Variants in HDC observed in about 807,000 individuals in gnomAD.
The protein encoded by HDC is histidine decarboxylase.
HDC carries 27 observed loss-of-function variants against 64.4 expected under a neutral mutation model. The ratio of observed to expected loss-of-function variants is 0.42; its 90% confidence interval spans 0.31 to 0.58. The LOEUF (loss-of-function observed/expected upper bound fraction) is 0.58, where lower values mean the gene tolerates loss of function less well. HDC is among the 20% of genes least tolerant of loss of function. The probability of loss-of-function intolerance (pLI) is 0.16; values close to 1 mark genes in which losing one functional copy is unlikely to be tolerated. For synonymous variants in HDC, 305 were observed against 314.2 expected (o/e 0.97, Z 0.31); for missense variants, 711 against 833.9 (o/e 0.85, Z 1.81).
Position 50,254,589 on chromosome 15 carries a change from C to T in HDC, c.517G>A (p.Glu173Lys). 2 of 1,614,240 alleles carry T rather than the reference C, an allele frequency of 1.2e-6. No individual in the cohort carries two copies. The highest frequency in any genetic ancestry group is 1.7e-6 in the Non-Finnish European group (2 of 1,180,048). ...AGGCAGGACTCATCAGCATCGGGCT[C>T]AGACGTTTTCATTTCCAGGATTTTG... ...KNKILEMKTS[E>K]PDADESCLNA... Residue 173 changes from glutamate to lysine, a missense_variant, in exon 5 of 12, where the codon GAG (glutamate) becomes AAG (lysine). Transcript: ENST00000267845.
At chr15:50,254,747 T>TCTCC in intron 4 of HDC, 83 bp from the exon 5 acceptor site, 1 of 731,834 alleles carries the variant, frequency 1.4e-6, no homozygotes, top group Non-Finnish European at 2.1e-6. Flanking sequence ...TTTCTCTCTC[T>TCTCC]CTCTCTCTCT....
In HDC at chr15:50,243,235, T is replaced by A; in HGVS notation, c.1150A>T (p.Met384Leu). The change falls in exon 11 of 12, where the codon ATG becomes TTG. Residue 384 changes from methionine (M) to leucine (L), a missense_variant. By Grantham distance (15) the Met-to-Leu change is conservative (BLOSUM62 2). Coordinates refer to ENST00000267845, the MANE Select transcript of HDC (RefSeq NM_002112.4). The stretch of plus-strand genomic sequence containing the variant: ...ACCAGAGATTCAAAATATTTAGCCA[T>A]TTCAGTACCCTGGAATTGCAAGTAT... ...LQAHVRHGTE[M>L]AKYFESLVRN... 2.5e-6 allele frequency: 4 copies of A among 1,606,058 alleles called. No individual in the cohort carries two copies. Among genetic ancestry groups the A allele is most frequent in the Non-Finnish European group, 3.4e-6 (4 of 1,172,596 alleles).
At chr15:50,264,395 G>A (rs574137996) in intron 1 of HDC, among the ~76,000 whole-genome samples, 1 of 151,984 alleles carries the variant, frequency 6.6e-6, no homozygotes, top group East Asian at 1.9e-4. Flanking sequence ...AAATCTTAAT[G>A]ACTTTCTCTC....
chr15:50,253,373 A>G (rs1235251133), intron 7 of HDC: 2 of 604,802 alleles, frequency 3.3e-6, no homozygotes, highest in African/African-American at 3.7e-5. Context: ...GCCTCCTAGG[A>G]CAGGAGGCAA....
In HDC at chr15:50,260,294, T is replaced by A. The variant is rs547740645; in HGVS notation, c.205-1777A>T. Among the ~76,000 whole-genome samples the A allele has an allele frequency of 3.9e-5, 6 of 152,280 alleles. No homozygotes were observed. The East Asian group carries it at 1.2e-3, about 29-fold the overall frequency. On this transcript the variant is annotated intron_variant, in intron 2 of 11. Transcript: ENST00000267845. ...CCTCAGCCTCCCAAAGTGCTGGGAT[T>A]ACAGGCATGCACCACTGTGTCCGGC...
At chr15:50,244,225 CAGTT>C (rs1253283175) in intron 10 of HDC, among the ~76,000 whole-genome samples, 3 of 150,202 alleles carry the variant, frequency 2.0e-5, no homozygotes, top group African/African-American at 4.9e-5. Context: ...GTAATTCTAT[CAGTT>C]AGTTCTCATA....
At chr15:50,245,421 A>G (rs550243365) in intron 10 of HDC, among the ~76,000 whole-genome samples, 3 of 152,310 alleles carry the variant, frequency 2.0e-5, no homozygotes, top group Non-Finnish European at 4.4e-5. Flanking sequence ...GATGGTGATG[A>G]TGATGACAAT....
chr15:50,262,819 G>A (rs977415582), intron 2 of HDC, among the ~76,000 whole-genome samples: 2 of 152,070 alleles, frequency 1.3e-5, no homozygotes, highest in South Asian at 2.1e-4. Context: ...CTGTACAGAA[G>A]AGTCTCTGGC....
chr15:50,252,093 A>T lies in HDC; in HGVS notation c.1041+337T>A, dbSNP rs538764919. On this transcript the variant is annotated intron_variant, in intron 9 of 11. Transcript: ENST00000267845. ...CACCCTGCCCTGCTGCTGGGTAAGA[A>T]ACAAAAAAGATGACCCGAGATGGAG... is the stretch of plus-strand genomic sequence containing the variant. 2.4e-4 allele frequency among the ~76,000 whole-genome samples: 36 copies of T among 152,312 alleles called. No homozygotes were observed. In the South Asian group the frequency reaches 6.8e-3, roughly 29 times the overall value.
chr15:50,264,628 C>T (rs1595713598), intron 1 of HDC, among the ~76,000 whole-genome samples: 1 of 152,166 alleles, frequency 6.6e-6, no homozygotes, highest in Non-Finnish European at 1.5e-5. Context: ...TCTGTCTCAA[C>T]ATCCATTCCT....
chr15:50,265,366 T>C (rs2045753797), intron 1 of HDC, among the ~76,000 whole-genome samples: 1 of 152,022 alleles, frequency 6.6e-6, no homozygotes, highest in African/African-American at 2.4e-5. Context: ...TGTGGACATA[T>C]GTGAGAGTGG....
Position 50,248,549 on chromosome 15 carries a change from G to A in HDC, c.1042-206C>T, listed in dbSNP as rs1429896373. Among the ~76,000 whole-genome samples the A allele has an allele frequency of 6.6e-6, 1 of 152,128 alleles. No homozygotes were observed. The highest frequency in any genetic ancestry group is 1.9e-4 in the East Asian group (1 of 5,182). On this transcript the variant is annotated intron_variant, in intron 9 of 11. Coordinates refer to ENST00000267845, the MANE Select transcript of HDC (RefSeq NM_002112.4). The surrounding 1 kb of genome is among the most constrained non-coding windows in gnomAD (Gnocchi z 4.3). ...AAATCACTGATGAAGGTGGCCAATA[G>A]TCACTTGTCTGAGAGCCAGACAAGT...
At chr15:50,250,087 G>A (rs2045534948) in intron 9 of HDC, among the ~76,000 whole-genome samples, 1 of 152,220 alleles carries the variant, frequency 6.6e-6, no homozygotes, top group African/African-American at 2.4e-5. Context: ...TGTCCAGTGA[G>A]AGGCAGAAAA....
intron 2 of HDC, among the ~76,000 whole-genome samples, chr15:50,261,623 CAAAAAAA>C (rs11418562): frequency 1.1e-5 from 1 of 95,060 alleles, no homozygotes; most frequent in African/African-American, 4.4e-5. Flanking sequence ...TCTATTGCTT[CAAAAAAA>C]AAAAAAAAAA....
At chr15:50,250,394 A>G (rs1485175727) in intron 9 of HDC, among the ~76,000 whole-genome samples, 1 of 152,180 alleles carries the variant, frequency 6.6e-6, no homozygotes, top group Non-Finnish European at 1.5e-5. Context: ...GGGGAAGGGT[A>G]AGTGTAAGGC....
Position 50,265,603 on chromosome 15 carries a change from G to C in HDC, c.21C>G (p.Tyr7Ter). The C allele has an allele frequency of 6.2e-7, 1 of 1,613,822 alleles. No homozygotes were observed. The highest frequency in any genetic ancestry group is 8.5e-7 in the Non-Finnish European group (1 of 1,179,746). Residue 7 changes from tyrosine to a stop codon, truncating the protein, a stop_gained, in exon 1 of 12, where the codon TAC becomes TAG. Transcript: ENST00000267845. LOFTEE classifies it high-confidence loss of function. MMEPEE[Y>*]RERGREMVDY... ...ATGCCCGTTGCTCACCTCTCTCTCT[G>C]TACTCCTCAGGCTCCATCATCTCCC...
At chr15:50,260,105 C>T (rs186238788) in intron 2 of HDC, among the ~76,000 whole-genome samples, 1 of 151,908 alleles carries the variant, frequency 6.6e-6, no homozygotes, top group East Asian at 1.9e-4. Flanking sequence ...CAGTGCAACC[C>T]CTGGCTCCCA....
chr15:50,257,646 A>T, intron 3 of HDC, 99 bp from the exon 4 acceptor site: 1 of 1,404,474 alleles, frequency 7.1e-7, no homozygotes, highest in South Asian at 1.2e-5. Context: ...TGTCAATGGG[A>T]ACATTTCTGG....
Position 50,265,105 on chromosome 15 carries a change from G to C in HDC, c.31+488C>G, listed in dbSNP as rs933568557. 2.0e-5 allele frequency among the ~76,000 whole-genome samples: 3 copies of C among 152,166 alleles called. No individual in the cohort carries two copies. The East Asian group carries it at 5.8e-4, about 29-fold the overall frequency. Reference sequence around the variant, plus strand: ...TGCCTGAGAACTGGATAACCACTTGGTTTTGCCTGATACAGAGTAGGCACC... The same window carrying C: ...TGCCTGAGAACTGGATAACCACTTGCTTTTGCCTGATACAGAGTAGGCACC... On this transcript the variant is annotated intron_variant, in intron 1 of 11. Transcript: ENST00000267845.
Sources: allele counts gnomAD v4.1 joint callset (sites outside exome capture counted in the v4.1 genomes callset), GRCh38; gene constraint gnomAD v4.1.1; non-coding constraint Gnocchi (gnomAD v3.1); transcripts MANE v1.5; gene names NCBI Gene and HGNC (gene_info 2026-07-23, HGNC 2026-07-21).